The following RABGAP1L variants were observed in gnomAD, a reference collection of about 807,000 sequenced individuals.
RABGAP1L encodes the protein RAB GTPase activating protein 1 like.
Under a neutral mutation model 137.7 loss-of-function variants are expected in RABGAP1L, and 63 were observed. The observed-to-expected ratio is 0.46, with a 90% confidence interval of 0.37 to 0.56. The LOEUF is 0.56. Among genes scored for constraint, RABGAP1L ranks in the 20% least tolerant of loss-of-function variants. The probability of loss-of-function intolerance (pLI) is 0.00; values close to 1 mark genes in which losing one functional copy is unlikely to be tolerated. For synonymous variants in RABGAP1L, 431 were observed against 433.7 expected, an observed-to-expected ratio of 0.99 and a Z score of 0.08; for missense variants, 1,095 against 1,244.0, an observed-to-expected ratio of 0.88 and a Z score of 1.80.
chr1:174,466,244 A>G (rs963707346), intron 13 of RABGAP1L, among the ~76,000 whole-genome samples: 9 of 152,184 alleles, frequency 5.9e-5, no homozygotes, highest in Non-Finnish European at 8.8e-5. Context: ...ATCTTTTTCT[A>G]ATGTTTTTAA....
chr1:174,673,497 A>G (rs532446236), intron 14 of RABGAP1L, among the ~76,000 whole-genome samples: 1 of 152,324 alleles, frequency 6.6e-6, no homozygotes, highest in South Asian at 2.1e-4. Flanking sequence ...CAGGTACCTG[A>G]GATGAGCTAT....
At chr1:174,358,950 C>T (rs960623547) in intron 11 of RABGAP1L, among the ~76,000 whole-genome samples, 5 of 152,096 alleles carry the variant, frequency 3.3e-5, no homozygotes, top group African/African-American at 4.8e-5. Context: ...TATAATATGA[C>T]GTGCTAAGTG....
rs61414923 is a variant in RABGAP1L, at chr1:174,516,120, TACACACACACACAC to T, written c.1711-121222_1711-121209del. 6.4e-3 allele frequency among the ~76,000 whole-genome samples: 858 copies of T among 133,304 alleles called. 2 individuals are homozygous for T. Among genetic ancestry groups the T allele is most frequent in the South Asian group, 0.027 (109 of 3,966 alleles). The allele number at this position is 133,304 out of a possible 152,430, so 87.5% of individuals were successfully genotyped here. A position where few individuals can be genotyped will look rare whatever the true frequency, so the allele number is the denominator to read the frequency against. ...AGTCAAGGGATGAAAACTGAAGCTCTACACACACACACACACACACACACACACACACACACACA... is the reference window on the plus strand; with the variant it reads ...AGTCAAGGGATGAAAACTGAAGCTCTACACACACACACACACACACACACA... On this transcript the variant is annotated intron_variant, in intron 13 of 25. Coordinates refer to ENST00000681986, the MANE Select transcript of RABGAP1L (RefSeq NM_001366446.1).
At chr1:174,338,226 G>A (rs1237575293) in intron 11 of RABGAP1L, among the ~76,000 whole-genome samples, 1 of 152,110 alleles carries the variant, frequency 6.6e-6, no homozygotes, top group Non-Finnish European at 1.5e-5. Context: ...ATACAAAATA[G>A]CAATGTTAAA....
At chr1:174,348,021 A>G (rs1030791942) in intron 11 of RABGAP1L, among the ~76,000 whole-genome samples, 20 of 152,064 alleles carry the variant, frequency 1.3e-4, no homozygotes, top group African/African-American at 4.8e-4. Flanking sequence ...TATTATTGAT[A>G]AATGAGGACT....
chr1:174,349,591 C>G (rs1422532596), intron 11 of RABGAP1L, among the ~76,000 whole-genome samples: 4 of 142,206 alleles, frequency 2.8e-5, no homozygotes, highest in Non-Finnish European at 6.2e-5. Flanking sequence ...GGGGCTGACC[C>G]CCCCCACCTC....
At chr1:174,491,125 T>G (rs1660184297) in intron 13 of RABGAP1L, among the ~76,000 whole-genome samples, 1 of 152,152 alleles carries the variant, frequency 6.6e-6, no homozygotes, top group Non-Finnish European at 1.5e-5. Context: ...TCCTCTGCTT[T>G]CTTCGAGTAG....
intron 20 of RABGAP1L, 55 bp downstream of exon 20, chr1:174,957,604 ACTGAGTCTTGCCGT>A (rs1270706380): frequency 2.7e-6 from 4 of 1,457,336 alleles, no homozygotes; most frequent in Non-Finnish European, 3.8e-6. Context: ...TTTAAATGAG[ACTGAGTCTTGCCGT>A]GTTGCCCAGG....
Position 174,993,774 on chromosome 1 carries a change from CACTTTT to C in RABGAP1L, c.*3778_*3783del, listed in dbSNP as rs1235693021. 1 of 152,196 alleles carries C rather than the reference CACTTTT, an allele frequency of 6.6e-6. No homozygotes were observed. The highest frequency in any genetic ancestry group is 1.5e-5 in the Non-Finnish European group (1 of 68,038). 9.4% of individuals were successfully genotyped at this position (152,196 alleles called of 1,614,324 possible). On this transcript the variant is annotated 3_prime_UTR_variant, in exon 26 of 26. Transcript: ENST00000681986. ...TTTTGTTTTATCTTCTGGGAAAGAACACTTTTACTTGATTAGCAAGATGATTATATT... is the reference window on the plus strand; with the variant it reads ...TTTTGTTTTATCTTCTGGGAAAGAACACTTGATTAGCAAGATGATTATATT...
At position 174,179,179 on chromosome 1, in the gene RABGAP1L, T is replaced by G. The variant is rs190040612; in HGVS notation, c.-34+19522T>G. On this transcript the variant is annotated intron_variant, in intron 1 of 25. Transcript: ENST00000681986. ...CTTGCCTTAGCCTAAGCTGATTTTT[T>G]TTTTTGCTTGAAGCTAAAATTTTAT... Among the ~76,000 whole-genome samples, 588 of 152,298 alleles carry G rather than the reference T, an allele frequency of 3.9e-3. 15 individuals are homozygous for G. Among genetic ancestry groups the G allele is most frequent in the Admixed American group, 0.033 (498 of 15,298 alleles).
chr1:174,543,784 G>T (rs963595759), intron 13 of RABGAP1L, among the ~76,000 whole-genome samples: 2 of 152,160 alleles, frequency 1.3e-5, no homozygotes, highest in Admixed American at 6.5e-5. Context: ...TTGTAAGGCA[G>T]GCCTGGTGGT....
At chr1:174,974,883 C>T (rs993587415) in intron 21 of RABGAP1L, among the ~76,000 whole-genome samples, 2 of 152,208 alleles carry the variant, frequency 1.3e-5, no homozygotes, top group Non-Finnish European at 2.9e-5. Flanking sequence ...TGGCCTGGCC[C>T]ATCTGGACAT....
At chr1:174,921,175 G>A (rs1032536557) in intron 19 of RABGAP1L, among the ~76,000 whole-genome samples, 5 of 152,142 alleles carry the variant, frequency 3.3e-5, no homozygotes, top group South Asian at 4.1e-4. Context: ...CACCTGCCGC[G>A]GCCTCCCAGT....
chr1:174,344,829 G>A (rs1397223596), intron 11 of RABGAP1L, among the ~76,000 whole-genome samples: 3 of 152,154 alleles, frequency 2.0e-5, no homozygotes, highest in Non-Finnish European at 2.9e-5. Context: ...TTGGTTGCCT[G>A]TGCTTCTGGG....
chr1:174,305,111 T>C lies in RABGAP1L; in HGVS notation c.1449T>C (p.Asp483=), dbSNP rs1364613297. ...GAGGGGGTCCAATGTCACCCCAGGA[T>C]GATGAAGCAGAAGAGGGTAAGAAGT... ...TSGGGPMSPQ[D]DEAEEESDNE... The change falls in exon 11 of 26, where the codon GAT becomes GAC. Residue 483 remains aspartate, a synonymous_variant. Transcript: ENST00000681986. 1.8e-5 allele frequency: 27 copies of C among 1,536,496 alleles called. No homozygotes were observed. Among genetic ancestry groups the C allele is most frequent in the Non-Finnish European group, 2.2e-5 (25 of 1,152,070 alleles).
chr1:174,518,522 T>C (rs1171439504), intron 13 of RABGAP1L, among the ~76,000 whole-genome samples: 1 of 152,222 alleles, frequency 6.6e-6, no homozygotes, highest in Non-Finnish European at 1.5e-5. Context: ...CCTGAATATT[T>C]TCAATCACTG....
At chr1:174,566,686 C>T (rs751503759) in intron 13 of RABGAP1L, among the ~76,000 whole-genome samples, 4 of 152,126 alleles carry the variant, frequency 2.6e-5, no homozygotes, top group Admixed American at 6.5e-5. Flanking sequence ...AGGCCTTGAA[C>T]GTAGAGTTTA....
intron 18 of RABGAP1L, among the ~76,000 whole-genome samples, chr1:174,767,961 A>C (rs920862651): frequency 6.6e-5 from 10 of 152,170 alleles, no homozygotes; most frequent in African/African-American, 2.4e-4. Flanking sequence ...ATTTCGTGAG[A>C]CTTATTCACT....
intron 19 of RABGAP1L, among the ~76,000 whole-genome samples, chr1:174,835,362 C>T (rs1163342131): frequency 2.0e-5 from 3 of 152,056 alleles, no homozygotes; most frequent in Admixed American, 1.3e-4. Flanking sequence ...AACTCGTAAT[C>T]GAACAAGTCA....
Sources: allele counts gnomAD v4.1 joint callset (sites outside exome capture counted in the v4.1 genomes callset), GRCh38; gene constraint gnomAD v4.1.1; transcripts MANE v1.5; gene names NCBI Gene and HGNC (gene_info 2026-07-23, HGNC 2026-07-21).